MICU2: variants seen among roughly 807,000 people sequenced by gnomAD.
MICU2 encodes the protein calcium uptake protein 2, mitochondrial.
MICU2 carries 64 observed loss-of-function variants against 60.4 expected under a neutral mutation model. The observed-to-expected ratio is 1.06, with a 90% CI of 0.87 to 1.31. The LOEUF is 1.31. MICU2 is among the 50% of genes most tolerant of loss of function. The pLI is 0.00. For missense variants in MICU2, 569 were observed against 531.0 expected (o/e 1.07, Z -0.70); for synonymous variants, 201 against 175.0 (o/e 1.15, Z -1.17).
chr13:21,503,340 C>G (rs1408951001), intron 8 of MICU2, among the ~76,000 whole-genome samples: 1 of 152,120 alleles, frequency 6.6e-6, no homozygotes, highest in Non-Finnish European at 1.5e-5. Context: ...GTAAGTTATA[C>G]CTGGCAACCT....
chr13:21,555,565 T>C (rs1371417786), intron 2 of MICU2, among the ~76,000 whole-genome samples: 2 of 152,206 alleles, frequency 1.3e-5, no homozygotes, highest in South Asian at 2.1e-4. Context: ...GCCAATATCA[T>C]ACTGAATGGA....
intron 1 of MICU2, among the ~76,000 whole-genome samples, chr13:21,586,401 C>T (rs535201684): frequency 6.6e-6 from 1 of 152,132 alleles, no homozygotes; most frequent in African/African-American, 2.4e-5. Flanking sequence ...AACTTTTCTA[C>T]TTGTGTTTTT....
intron 2 of MICU2, among the ~76,000 whole-genome samples, chr13:21,563,425 A>T (rs1457689305): frequency 6.6e-6 from 1 of 151,702 alleles, no homozygotes; most frequent in South Asian, 2.1e-4. Context: ...ACTGCACTCC[A>T]GCCTGGGCTA....
chr13:21,585,587 A>C (rs1277243494), intron 1 of MICU2, among the ~76,000 whole-genome samples: 1 of 152,228 alleles, frequency 6.6e-6, no homozygotes, highest in African/African-American at 2.4e-5. Context: ...GACAGCTTGA[A>C]ATAAAAGAAA....
chr13:21,520,706 A>G (rs1335480217), intron 6 of MICU2, among the ~76,000 whole-genome samples: 1 of 151,738 alleles, frequency 6.6e-6, no homozygotes, highest in South Asian at 2.1e-4. Flanking sequence ...AACGGAGTCA[A>G]ATTTACTTGT....
intron 1 of MICU2, among the ~76,000 whole-genome samples, chr13:21,593,108 T>G (rs1041272990): frequency 3.3e-5 from 5 of 152,120 alleles, no homozygotes; most frequent in Non-Finnish European, 5.9e-5. Flanking sequence ...GATTTTATAT[T>G]TAGAAAATCG....
intron 9 of MICU2, among the ~76,000 whole-genome samples, chr13:21,499,542 C>G (rs1484656299): frequency 6.6e-6 from 1 of 151,898 alleles, no homozygotes; most frequent in East Asian, 2.0e-4. Context: ...TCCCGAGTAG[C>G]TGGGACTACA....
chr13:21,544,532 A>AACAAC (rs1555273323), intron 2 of MICU2, among the ~76,000 whole-genome samples: 1 of 132,510 alleles, frequency 7.5e-6, no homozygotes, highest in African/African-American at 2.7e-5. Flanking sequence ...AAAAAAAAAA[A>AACAAC]AACTCAATAC....
chr13:21,602,552 CA>C (rs889103057), intron 1 of MICU2, among the ~76,000 whole-genome samples: 5 of 151,606 alleles, frequency 3.3e-5, no homozygotes, highest in East Asian at 1.9e-4. Flanking sequence ...AAAAAACAAA[CA>C]AAAAAACCAG....
At chr13:21,599,438 T>C (rs925365886) in intron 1 of MICU2, among the ~76,000 whole-genome samples, 1 of 152,216 alleles carries the variant, frequency 6.6e-6, no homozygotes, top group South Asian at 2.1e-4. Context: ...TATAACATTG[T>C]AATGGGAGTA....
At chr13:21,500,968 CTCAGTT>C (rs1886137628) in intron 9 of MICU2, among the ~76,000 whole-genome samples, 1 of 152,060 alleles carries the variant, frequency 6.6e-6, no homozygotes, top group Non-Finnish European at 1.5e-5. Context: ...TCTACACTTA[CTCAGTT>C]TCATTTTTTC....
intron 5 of MICU2, 27 bp downstream of exon 5, chr13:21,522,576 C>G (rs1886745025): frequency 1.9e-6 from 3 of 1,561,580 alleles, no homozygotes; most frequent in Non-Finnish European, 2.6e-6. Flanking sequence ...TCCACATGAT[C>G]TCTGAGAAAA....
intron 7 of MICU2, among the ~76,000 whole-genome samples, chr13:21,513,467 G>C (rs1199946): frequency 0.18 from 27,049 of 152,000 alleles, 3,125 homozygotes; most frequent in African/African-American, 0.32. Context: ...GCTGGGCACA[G>C]TAGCTCACAC....
chr13:21,523,314 A>G (rs60181111), intron 4 of MICU2, among the ~76,000 whole-genome samples: 49,461 of 152,088 alleles, frequency 0.33, 9,158 homozygotes, highest in Non-Finnish European at 0.41. Flanking sequence ...AACACTGACT[A>G]ATACAGAAGA....
intron 1 of MICU2, among the ~76,000 whole-genome samples, chr13:21,589,999 T>G (rs1354295186): frequency 6.6e-6 from 1 of 152,174 alleles, no homozygotes; most frequent in African/African-American, 2.4e-5. Flanking sequence ...AAAGAAAATT[T>G]TATATTTGAG....
chr13:21,554,598 C>A (rs1012417054), intron 2 of MICU2, among the ~76,000 whole-genome samples: 7 of 152,056 alleles, frequency 4.6e-5, no homozygotes, highest in Non-Finnish European at 1.0e-4. Context: ...CTAAAATTGA[C>A]ACCCTAACAT....
intron 2 of MICU2, among the ~76,000 whole-genome samples, chr13:21,556,183 A>C (rs1375667343): frequency 6.6e-6 from 1 of 152,192 alleles, no homozygotes; most frequent in African/African-American, 2.4e-5. Flanking sequence ...AACTGTTCTT[A>C]TAAAGGTCAC....
At chr13:21,578,553 C>T (rs563534626) in intron 1 of MICU2, among the ~76,000 whole-genome samples, 8 of 152,024 alleles carry the variant, frequency 5.3e-5, no homozygotes, top group East Asian at 3.9e-4. Flanking sequence ...GCCATGATTG[C>T]GCCACTGGAC....
intron 2 of MICU2, among the ~76,000 whole-genome samples, chr13:21,553,581 G>T (rs1458974766): frequency 2.9e-4 from 44 of 150,746 alleles, no homozygotes; most frequent in South Asian, 6.3e-4. Context: ...GCAAAAACAT[G>T]CCAAATTGTA....
Sources: allele counts gnomAD v4.1 joint callset (sites outside exome capture counted in the v4.1 genomes callset), GRCh38; gene constraint gnomAD v4.1.1; transcripts MANE v1.5; gene names NCBI Gene and HGNC (gene_info 2026-07-23, HGNC 2026-07-21).